SGCG: variants seen among roughly 807,000 people sequenced by gnomAD.
SGCG encodes the protein sarcoglycan gamma.
Under a neutral mutation model 29.3 loss-of-function variants are expected in SGCG, and 26 were observed. The observed-to-expected ratio is 0.89, with a 90% CI of 0.65 to 1.23. The LOEUF is 1.23. SGCG is among the 50% of genes most tolerant of loss of function. The pLI is 0.00. For synonymous variants in SGCG, 145 were observed against 129.7 expected (o/e 1.12, Z -0.80); for missense variants, 353 against 356.0 (o/e 0.99, Z 0.07).
chr13:23,223,674 A>G (rs550626779), intron 2 of SGCG, among the ~76,000 whole-genome samples: 174 of 152,224 alleles, frequency 1.1e-3, no homozygotes, highest in African/African-American at 4.0e-3. Context: ...CCACTTAAAG[A>G]TAGGAGGGGC....
In SGCG at chr13:23,258,621, T is replaced by G. The variant is rs57766353; in HGVS notation, c.385+7904T>G. 1.3e-3 allele frequency among the ~76,000 whole-genome samples: 204 copies of G among 151,194 alleles called. 3 individuals carry two copies. The highest frequency in any genetic ancestry group is 4.1e-3 in the African/African-American group (172 of 41,448). ...TGGTGAGAGAGGGCATCCCTGTCTTTTGCCAGTTTTCAAAGGGAATGCTTC... is the reference window on the plus strand; with the variant it reads ...TGGTGAGAGAGGGCATCCCTGTCTTGTGCCAGTTTTCAAAGGGAATGCTTC... On this transcript the variant is annotated intron_variant, in intron 4 of 7. Coordinates refer to ENST00000218867, the MANE Select transcript of SGCG (RefSeq NM_000231.3).
At chr13:23,189,116 C>T (rs1163806374) in intron 1 of SGCG, among the ~76,000 whole-genome samples, 1 of 152,226 alleles carries the variant, frequency 6.6e-6, no homozygotes, top group Non-Finnish European at 1.5e-5. Context: ...GGGACAGGAA[C>T]TCCCCATGTG....
intron 1 of SGCG, among the ~76,000 whole-genome samples, chr13:23,183,946 A>C (rs548010222): frequency 1.3e-5 from 2 of 152,332 alleles, no homozygotes; most frequent in South Asian, 4.1e-4. Flanking sequence ...GATTACAGGC[A>C]TGAGCCACCA....
chr13:23,193,386 G>A (rs1877356395), intron 1 of SGCG, among the ~76,000 whole-genome samples: 1 of 152,198 alleles, frequency 6.6e-6, no homozygotes, highest in African/African-American at 2.4e-5. Context: ...GAGAGGCAGA[G>A]TGGGTGGAGG....
At chr13:23,221,062 A>G (rs2137527698) in intron 2 of SGCG, among the ~76,000 whole-genome samples, 1 of 152,278 alleles carries the variant, frequency 6.6e-6, no homozygotes, top group South Asian at 2.1e-4. Flanking sequence ...TAAAATGTGT[A>G]AGCATTCATG....
intron 5 of SGCG, among the ~76,000 whole-genome samples, chr13:23,294,884 C>T (rs943050633): frequency 4.6e-5 from 7 of 152,174 alleles, no homozygotes; most frequent in African/African-American, 1.7e-4. Context: ...CCCCAGCTGA[C>T]ACAGGGCCTT....
intron 4 of SGCG, among the ~76,000 whole-genome samples, chr13:23,255,214 G>T (rs2137576511): frequency 6.6e-6 from 1 of 152,312 alleles, no homozygotes; most frequent in South Asian, 2.1e-4. Flanking sequence ...AAGCCACTGG[G>T]ACTGCACCCT....
intron 4 of SGCG, among the ~76,000 whole-genome samples, chr13:23,265,423 A>G (rs1423758681): frequency 3.9e-5 from 6 of 152,086 alleles, no homozygotes; most frequent in Non-Finnish European, 8.8e-5. Context: ...CTAAAAATAC[A>G]AAAGTTAGCT....
At chr13:23,227,639 TGTA>T (rs1878954065) in intron 2 of SGCG, among the ~76,000 whole-genome samples, 1 of 152,024 alleles carries the variant, frequency 6.6e-6, no homozygotes, top group Non-Finnish European at 1.5e-5. Context: ...GGACATCAGA[TGTA>T]GTATTTTAGT....
chr13:23,209,715 G>T (rs1256292722), intron 2 of SGCG, among the ~76,000 whole-genome samples: 1 of 152,142 alleles, frequency 6.6e-6, no homozygotes, highest in Admixed American at 6.5e-5. Context: ...CCCAACTGTA[G>T]GTTGATGTAA....
intron 1 of SGCG, among the ~76,000 whole-genome samples, chr13:23,197,747 A>C (rs1015649635): frequency 1.6e-4 from 24 of 152,184 alleles, no homozygotes; most frequent in Non-Finnish European, 2.6e-4. Context: ...TCTTAATTGA[A>C]GCCCCAGTGG....
intron 4 of SGCG, among the ~76,000 whole-genome samples, chr13:23,258,169 C>G (rs545830961): frequency 3.9e-5 from 6 of 152,306 alleles, no homozygotes; most frequent in African/African-American, 1.2e-4. Context: ...TTGATTCTTC[C>G]TATCCATGAG....
At chr13:23,304,243 T>G (rs972445526) in intron 6 of SGCG, among the ~76,000 whole-genome samples, 1 of 152,210 alleles carries the variant, frequency 6.6e-6, no homozygotes, top group African/African-American at 2.4e-5. Context: ...TACATACTCA[T>G]GTTTATTAAT....
At chr13:23,299,443 TA>T (rs57253435) in intron 6 of SGCG, among the ~76,000 whole-genome samples, 279 of 23,050 alleles carry the variant, frequency 0.012, 27 homozygotes, top group African/African-American at 0.029. Flanking sequence ...TATATATATA[TA>T]TATATATATA....
At chr13:23,211,679 G>T (rs1395247165) in intron 2 of SGCG, among the ~76,000 whole-genome samples, 1 of 152,168 alleles carries the variant, frequency 6.6e-6, no homozygotes, top group Non-Finnish European at 1.5e-5. Context: ...AGAAACACCA[G>T]CTTCTTGACC....
chr13:23,248,350 G>T (rs545407319), intron 3 of SGCG, among the ~76,000 whole-genome samples: 19 of 152,118 alleles, frequency 1.2e-4, no homozygotes, highest in Non-Finnish European at 2.1e-4. Context: ...TTTTCTTCAG[G>T]AAAAGGAATG....
At chr13:23,273,450 G>A (rs560147055) in intron 4 of SGCG, among the ~76,000 whole-genome samples, 8 of 152,268 alleles carry the variant, frequency 5.3e-5, no homozygotes, top group Admixed American at 3.3e-4. Context: ...CTCCCAAAGC[G>A]CTGGGATTAC....
chr13:23,265,828 A>G (rs59849860), intron 4 of SGCG, among the ~76,000 whole-genome samples: 24,601 of 152,144 alleles, frequency 0.16, 2,429 homozygotes, highest in Admixed American at 0.22. Flanking sequence ...ATGGGAATGT[A>G]AAATTAGTAG....
intron 1 of SGCG, among the ~76,000 whole-genome samples, chr13:23,191,391 T>C (rs868107913): frequency 6.6e-6 from 1 of 152,152 alleles, no homozygotes; most frequent in South Asian, 2.1e-4. Context: ...GAACTTCAGT[T>C]GTCAAGGTAT....
Sources: allele counts gnomAD v4.1 joint callset (sites outside exome capture counted in the v4.1 genomes callset), GRCh38; gene constraint gnomAD v4.1.1; transcripts MANE v1.5; gene names NCBI Gene and HGNC (gene_info 2026-07-23, HGNC 2026-07-21).